The following PFKFB3 variants were observed in gnomAD, a reference collection of about 807,000 sequenced individuals.
The protein encoded by PFKFB3 is 6-phosphofructo-2-kinase/fructose-2,6-biphosphatase 3, also known as 6-phosphofructo-2-kinase/fructose-2,6-bisphosphatase 3.
Under a neutral mutation model 68.0 loss-of-function variants are expected in PFKFB3, and 33 were observed. The ratio of observed to expected loss-of-function variants is 0.49; its 90% confidence interval spans 0.37 to 0.65. The LOEUF is 0.65. PFKFB3 is among the 30% of genes least tolerant of loss of function. The probability of loss-of-function intolerance (pLI) is 0.00; values close to 1 mark genes in which losing one functional copy is unlikely to be tolerated. For synonymous variants in PFKFB3, 315 were observed against 288.2 expected (o/e 1.09, Z -0.94); for missense variants, 586 against 712.2 (o/e 0.82, Z 2.02).
At chr10:6,224,540 G>A in intron 13 of PFKFB3, 2 of 482,170 alleles carry the variant, frequency 4.1e-6, no homozygotes, top group Middle Eastern at 1.3e-3. Context: ...GAGTGCGGTG[G>A]CGCAGTCACG....
At chr10:6,290,724 G>C in the PFKFB3 span, among the ~76,000 whole-genome samples, 1 of 152,008 alleles carries the variant, frequency 6.6e-6, no homozygotes, top group Non-Finnish European at 1.5e-5. Flanking sequence ...GACTGGTTTC[G>C]AACTCCTGAC....
chr10:6,215,442 G>A lies in PFKFB3; in HGVS notation c.299+125G>A. 1 of 704,998 alleles carries A rather than the reference G, an allele frequency of 1.4e-6. No homozygotes were observed. The highest frequency in any genetic ancestry group is 2.5e-6 in the Non-Finnish European group (1 of 401,036). 43.7% of individuals were successfully genotyped at this position (704,998 alleles called of 1,614,324 possible). ...GGCTGGGCTGTGGGAATAAGGCTGG[G>A]CTGCGGGGCTGCGGGTGTAAGGCTG... On this transcript the variant is annotated intron_variant, in intron 3 of 14. Transcript: ENST00000379775. The surrounding 1 kb of genome is among the most constrained non-coding windows in gnomAD (Gnocchi z 4.3).
intron 1 of PFKFB3, among the ~76,000 whole-genome samples, chr10:6,178,405 C>T (rs539093404): frequency 2.5e-4 from 38 of 152,266 alleles, no homozygotes; most frequent in African/African-American, 7.7e-4. Flanking sequence ...GCGAAGGAGG[C>T]GTAGGACATG....
chr10:6,216,004 G>A (rs900939299), intron 3 of PFKFB3, 121 bp from the exon 4 acceptor site: 27 of 960,230 alleles, frequency 2.8e-5, no homozygotes, highest in Non-Finnish European at 4.3e-5. Context: ...CCTGCCCAGC[G>A]CTAAGCAGTG....
At chr10:6,281,794 A>G in the PFKFB3 span, among the ~76,000 whole-genome samples, 18 of 152,238 alleles carry the variant, frequency 1.2e-4, no homozygotes, top group African/African-American at 3.9e-4. Context: ...TAGACCCACA[A>G]GGCTGAAGCA....
chr10:6,178,850 G>C (rs1208165121), intron 1 of PFKFB3, among the ~76,000 whole-genome samples: 8 of 152,220 alleles, frequency 5.3e-5, no homozygotes, highest in Non-Finnish European at 1.0e-4. Flanking sequence ...GCTGAGCCGG[G>C]ACGCAGCGCA....
chr10:6,304,426 C>G, the PFKFB3 span, among the ~76,000 whole-genome samples: 4 of 151,044 alleles, frequency 2.6e-5, no homozygotes, highest in African/African-American at 4.9e-5. Context: ...TTCTGCAGGC[C>G]TATATGCCAG....
chr10:6,168,866 A>T (rs1448800698), intron 1 of PFKFB3, among the ~76,000 whole-genome samples: 1 of 152,168 alleles, frequency 6.6e-6, no homozygotes, highest in Non-Finnish European at 1.5e-5. Flanking sequence ...CACTTCACGG[A>T]ATCCATCTGC....
At chr10:6,256,909 T>C (rs141631873), downstream of PFKFB3, among the ~76,000 whole-genome samples, 320 of 152,220 alleles carry the variant, frequency 2.1e-3, 1 homozygote, top group African/African-American at 7.3e-3. Context: ...TTTTCAGAGG[T>C]TTCCTAGACA....
chr10:6,283,818 G>A, the PFKFB3 span, among the ~76,000 whole-genome samples: 2 of 152,116 alleles, frequency 1.3e-5, no homozygotes, highest in Non-Finnish European at 2.9e-5. Context: ...ATTAAGGAGC[G>A]AACACTGCAG....
At position 6,223,879 on chromosome 10, in the gene PFKFB3, A is replaced by G. The variant is rs1318512816; in HGVS notation, c.1214-79A>G. ...TGATCCACCTGCCTCGGCCTCCCAA[A>G]GTGCTGGGATTACAGGCGTGAGCCA... On this transcript the variant is annotated intron_variant, in intron 11 of 14. Transcript: ENST00000379775. 14 of 1,288,030 alleles carry G rather than the reference A, an allele frequency of 1.1e-5. No homozygotes were observed. In the East Asian group the frequency reaches 2.1e-4, roughly 19 times the overall value. 79.8% of individuals were successfully genotyped at this position (1,288,030 alleles called of 1,614,324 possible). A position where few individuals can be genotyped will look rare whatever the true frequency, so the allele number is the denominator to read the frequency against.
intron 1 of PFKFB3, among the ~76,000 whole-genome samples, chr10:6,156,664 T>A (rs1841811210): frequency 8.3e-6 from 1 of 120,884 alleles, no homozygotes; most frequent in Non-Finnish European, 1.7e-5. Context: ...ATTTTTGTAT[T>A]TTTAGTAGAG....
At chr10:6,222,770 T>A (rs1845059025) in intron 10 of PFKFB3, 85 bp from the exon 11 acceptor site, 1 of 1,450,318 alleles carries the variant, frequency 6.9e-7, no homozygotes, top group Non-Finnish European at 9.3e-7. Context: ...CGTGGCTCTC[T>A]GGCCGGTCTG....
At chr10:6,153,715 T>TGTG (rs1841674022) in intron 1 of PFKFB3, among the ~76,000 whole-genome samples, 1 of 151,552 alleles carries the variant, frequency 6.6e-6, no homozygotes, top group Non-Finnish European at 1.5e-5. Context: ...ATTAGCTGGG[T>TGTG]GTGGAGGCAG....
chr10:6,214,554 A>G (rs920222604), intron 2 of PFKFB3, among the ~76,000 whole-genome samples: 10 of 151,372 alleles, frequency 6.6e-5, no homozygotes, highest in African/African-American at 2.4e-4. Context: ...AGATTCGGGT[A>G]CATGTGCATG....
the PFKFB3 span, among the ~76,000 whole-genome samples, chr10:6,311,284 C>G: frequency 6.6e-6 from 1 of 152,154 alleles, no homozygotes; most frequent in Non-Finnish European, 1.5e-5. Flanking sequence ...CCCATGCTCC[C>G]CTATCTCCCT....
At chr10:6,225,232 T>C (rs962064811) in intron 13 of PFKFB3, 1 of 456,130 alleles carries the variant, frequency 2.2e-6, no homozygotes, top group African/African-American at 2.0e-5. Context: ...CTTTCTGTCA[T>C]GGCGTTCCCG....
chr10:6,165,974 T>C (rs536956007), intron 1 of PFKFB3, among the ~76,000 whole-genome samples: 3 of 143,486 alleles, frequency 2.1e-5, no homozygotes, highest in Non-Finnish European at 4.5e-5. Flanking sequence ...ATCACCAGGC[T>C]CAACTTTTTT....
intron 14 of PFKFB3, among the ~76,000 whole-genome samples, chr10:6,248,514 A>T (rs2132079556): frequency 6.6e-6 from 1 of 151,560 alleles, no homozygotes; most frequent in African/African-American, 2.4e-5. Context: ...CTATAATCCC[A>T]GCTACTCGGG....
Sources: gnomAD v4.1 joint callset for allele counts (sites outside exome capture counted in the v4.1 genomes callset) on GRCh38, gnomAD v4.1.1 for gene constraint, Gnocchi (gnomAD v3.1) non-coding constraint, MANE v1.5 for transcripts, NCBI Gene and HGNC (gene_info 2026-07-23, HGNC 2026-07-21) for gene names.